SLC25A30: variants seen among roughly 807,000 people sequenced by gnomAD.
SLC25A30 encodes solute carrier family 25 member 30.
SLC25A30 carries 29 observed loss-of-function variants against 42.7 expected under a neutral mutation model. The ratio of observed to expected loss-of-function variants is 0.68; its 90% CI spans 0.51 to 0.93. The LOEUF is 0.93. Ranked by LOEUF, SLC25A30 falls within the 40% of genes least tolerant of loss-of-function variation. The pLI, the probability that SLC25A30 is intolerant of heterozygous loss-of-function variation, is 0.00. For synonymous variants in SLC25A30, 124 were observed against 131.0 expected (o/e 0.95, Z 0.37); for missense variants, 300 against 359.7 (o/e 0.83, Z 1.34).
chr13:45,393,364 C>T lies in SLC25A30; in HGVS notation c.*2610G>A, dbSNP rs1881091353. ...AGTTTATTAAATAAATGAAACAAGGCTTATGCCACATATTCCAACAATGTT... is the reference window on the plus strand; with the variant it reads ...AGTTTATTAAATAAATGAAACAAGGTTTATGCCACATATTCCAACAATGTT... On this transcript the variant is annotated 3_prime_UTR_variant, in exon 10 of 10. Coordinates refer to ENST00000519676, the MANE Select transcript of SLC25A30 (RefSeq NM_001010875.4). The T allele has an allele frequency of 1.0e-6, 1 of 977,642 alleles. No individual in the cohort carries two copies. The highest frequency in any genetic ancestry group is 4.7e-5 in the South Asian group (1 of 21,118). 60.6% of individuals were successfully genotyped at this position (977,642 alleles called of 1,614,324 possible). A position where few individuals can be genotyped will look rare whatever the true frequency, so the allele number is the denominator to read the frequency against.
At position 45,395,538 on chromosome 13, in the gene SLC25A30, A is replaced by G. The variant is rs973131024; in HGVS notation, c.*436T>C. ...CAGTTGACAAGGAGCAAAATCTCCC[A>G]GAAATTCAGAAACCATAACACCTTC... is the stretch of plus-strand genomic sequence containing the variant. On this transcript the variant is annotated 3_prime_UTR_variant, in exon 10 of 10. Transcript: ENST00000519676. The G allele has an allele frequency of 2.9e-6, 3 of 1,052,304 alleles. No homozygotes were observed. The African/African-American group carries it at 5.0e-5, about 18-fold the overall frequency. 65.2% of individuals were successfully genotyped at this position (1,052,304 alleles called of 1,614,324 possible). A position where few individuals can be genotyped will look rare whatever the true frequency, so the allele number is the denominator to read the frequency against.
the SLC25A30 span, among the ~76,000 whole-genome samples, chr13:45,431,089 C>T: frequency 2.0e-5 from 3 of 152,018 alleles, no homozygotes; most frequent in Non-Finnish European, 2.9e-5. Context: ...CTCTTGTTGC[C>T]CAGGCTGGAG....
At chr13:45,408,854 C>T (rs1882748443) in intron 3 of SLC25A30, 73 bp downstream of exon 3, 2 of 1,380,648 alleles carry the variant, frequency 1.4e-6, no homozygotes, top group African/African-American at 1.5e-5. Context: ...GTGATCTGTG[C>T]AGTCTTGGTC....
chr13:45,395,879 T>C lies in SLC25A30; in HGVS notation c.*95A>G, dbSNP rs776411309. On this transcript the variant is annotated 3_prime_UTR_variant, in exon 10 of 10. Coordinates refer to ENST00000519676, the MANE Select transcript of SLC25A30 (RefSeq NM_001010875.4). ...GTTGCTCACATCCCAGAATCTGTGATGAGCCAAGCAGTGAGAAGCAGAGTG... is the reference window on the plus strand; with the variant it reads ...GTTGCTCACATCCCAGAATCTGTGACGAGCCAAGCAGTGAGAAGCAGAGTG... The C allele has an allele frequency of 3.7e-6, 6 of 1,610,892 alleles. No individual in the cohort carries two copies. Among genetic ancestry groups the C allele is most frequent in the Non-Finnish European group, 5.1e-6 (6 of 1,178,498 alleles).
rs1566203598 is a variant in SLC25A30, at chr13:45,401,167, CCAA to C, written c.527_529del (p.Val176del). On this transcript the variant is annotated inframe_deletion, in exon 7 of 10. Coordinates refer to ENST00000519676, the MANE Select transcript of SLC25A30 (RefSeq NM_001010875.4). ...GATGTCATAGACCGGCAGCTCCACACCAACAACAATAGCAGCCCTCTGCGCAGT... is the reference window on the plus strand; with the variant it reads ...GATGTCATAGACCGGCAGCTCCACACCAACAATAGCAGCCCTCTGCGCAGT... The C allele has an allele frequency of 1.9e-6, 3 of 1,613,928 alleles. No individual in the cohort carries two copies. The highest frequency in any genetic ancestry group is 1.7e-5 in the Admixed American group (1 of 59,986).
At chr13:45,400,067 T>C (rs35444724) in intron 7 of SLC25A30, among the ~76,000 whole-genome samples, 42 of 117,054 alleles carry the variant, frequency 3.6e-4, no homozygotes, top group East Asian at 2.9e-3. Context: ...CACACACACA[T>C]ATGAATGATA....
At chr13:45,400,953 AGG>A in intron 7 of SLC25A30, 128 bp downstream of exon 7, 1 of 712,908 alleles carries the variant, frequency 1.4e-6, no homozygotes, top group Non-Finnish European at 2.2e-6. Context: ...GCCTATGTAG[AGG>A]AATAAGGACT....
chr13:45,416,639 T>C (rs1369721906), intron 1 of SLC25A30, among the ~76,000 whole-genome samples: 1 of 152,048 alleles, frequency 6.6e-6, no homozygotes, highest in East Asian at 1.9e-4. Flanking sequence ...GGTATGGTGG[T>C]ACGCGACTCT....
chr13:45,415,412 T>C (rs1443647952), intron 1 of SLC25A30, among the ~76,000 whole-genome samples: 1 of 152,038 alleles, frequency 6.6e-6, no homozygotes, highest in Non-Finnish European at 1.5e-5. Context: ...TCAGAATAAA[T>C]ATAGAATTTT....
chr13:45,410,550 C>T (rs1882917639), intron 2 of SLC25A30, among the ~76,000 whole-genome samples: 1 of 150,628 alleles, frequency 6.6e-6, no homozygotes, highest in Admixed American at 6.7e-5. Context: ...TCTGTAGTCT[C>T]ACCTATAATC....
rs905523784 is a variant in SLC25A30 at position 45,394,788 on chromosome 13, T to C, written c.*1186A>G. The stretch of plus-strand genomic sequence containing the variant: ...TACCACCTATCAGAAACTAGCTAAA[T>C]AGATGCACTAAAGAAATCATTTTTA... On this transcript the variant is annotated 3_prime_UTR_variant, in exon 10 of 10. Coordinates refer to ENST00000519676, the MANE Select transcript of SLC25A30 (RefSeq NM_001010875.4). The C allele has an allele frequency of 3.0e-6, 3 of 984,988 alleles. No individual in the cohort carries two copies. The highest frequency in any genetic ancestry group is 6.2e-5 in the Admixed American group (1 of 16,252). The allele number at this position is 984,988 out of a possible 1,614,324, so 61.0% of individuals were successfully genotyped here. A position where few individuals can be genotyped will look rare whatever the true frequency, so the allele number is the denominator to read the frequency against.
At chr13:45,396,922 C>T (rs1196408798) in intron 9 of SLC25A30, 1 of 242,454 alleles carries the variant, frequency 4.1e-6, no homozygotes, top group Non-Finnish European at 7.8e-6. Flanking sequence ...CTGTTGCCAA[C>T]CACATCCTTC....
intron 3 of SLC25A30, 112 bp from the exon 4 acceptor site, chr13:45,406,089 T>C (rs1882477933): frequency 1.1e-5 from 4 of 378,460 alleles, no homozygotes; most frequent in Non-Finnish European, 3.7e-6. Context: ...TCTAAAACAA[T>C]TTTTTTTTTT....
chr13:45,409,057 A>C lies in SLC25A30; in HGVS notation c.82T>G (p.Leu28Val), dbSNP rs148910106. 7.5e-6 allele frequency: 12 copies of C among 1,604,702 alleles called. No individual in the cohort carries two copies. In the African/African-American group the frequency reaches 1.5e-4, roughly 20 times the overall value. Reference protein sequence around the residue: ...TAECGTFPIDLTKTRLQIQGQ... With the variant: ...TAECGTFPIDVTKTRLQIQGQ... ...TGAATCTGGAGCCGTGTCTTGGTTA[A>C]ATCAATTGGAAATGTACCTTAAAAT... The change falls in exon 3 of 10, where the codon TTA (leucine) becomes GTA (valine). Residue 28 changes from leucine (L) to valine (V), a missense_variant. By Grantham distance (32) the Leu-to-Val change is conservative (BLOSUM62 1). Coordinates refer to ENST00000519676, the MANE Select transcript of SLC25A30 (RefSeq NM_001010875.4).
rs368304026 is a variant in SLC25A30, at chr13:45,413,588, CT to C, written c.-55-2109del. 5.5e-3 allele frequency among the ~76,000 whole-genome samples: 831 copies of C among 149,882 alleles called. 10 individuals carry two copies. The highest frequency in any genetic ancestry group is 0.019 in the African/African-American group (770 of 40,624). ...TTTTTTTTTGAGACAAAGTCCCACT[CT>C]TGTCCCCCAGGCTGGAATGCAATGG... On this transcript the variant is annotated intron_variant, in intron 1 of 9. Coordinates refer to ENST00000519676, the MANE Select transcript of SLC25A30 (RefSeq NM_001010875.4).
intron 2 of SLC25A30, 135 bp from the exon 3 acceptor site, chr13:45,409,209 T>G: frequency 1.6e-6 from 1 of 636,756 alleles, no homozygotes; most frequent in Non-Finnish European, 2.3e-6. Context: ...CACTTTGCAA[T>G]CTTGTTTATA....
rs76181079 is a variant in SLC25A30 at position 45,399,385 on chromosome 13, T to C, written c.615-307A>G. Among the ~76,000 whole-genome samples, 174 of 152,258 alleles carry C rather than the reference T, an allele frequency of 1.1e-3. No individual in the cohort carries two copies. The South Asian group carries it at 0.016, about 14-fold the overall frequency. On this transcript the variant is annotated intron_variant, in intron 7 of 9. Coordinates refer to ENST00000519676, the MANE Select transcript of SLC25A30 (RefSeq NM_001010875.4). ...CACATCCAGCTAATTTTTTTTGTAT[T>C]TTTATTAGAGACGGGGTTTCGCCAT...
chr13:45,410,048 T>C (rs1405792698), intron 2 of SLC25A30, among the ~76,000 whole-genome samples: 1 of 152,124 alleles, frequency 6.6e-6, no homozygotes, highest in African/African-American at 2.4e-5. Context: ...TATTCTATCC[T>C]TGGACAGCAG....
chr13:45,425,503 G>T, the SLC25A30 span, among the ~76,000 whole-genome samples: 39,440 of 87,344 alleles, frequency 0.45, 9,600 homozygotes, highest in African/African-American at 0.53. Context: ...TAAGTATATA[G>T]AAATATATAT....
Sources: allele counts gnomAD v4.1 joint callset (sites outside exome capture counted in the v4.1 genomes callset), GRCh38; gene constraint gnomAD v4.1.1; transcripts MANE v1.5; gene names NCBI Gene and HGNC (gene_info 2026-07-23, HGNC 2026-07-21).